ADAM23: variants seen among roughly 807,000 people sequenced by gnomAD.
The protein encoded by ADAM23 is disintegrin and metalloproteinase domain-containing protein 23.
In ADAM23, 33 loss-of-function variants were observed where a neutral mutation model predicts 120.1. That is an observed-to-expected ratio of 0.27 (90% CI 0.21 to 0.37). ADAM23 has a LOEUF of 0.37. Ranked by LOEUF, ADAM23 falls within the 10% of genes least tolerant of loss-of-function variation. The probability of loss-of-function intolerance (pLI) is 1.00; values close to 1 mark genes in which losing one functional copy is unlikely to be tolerated. For missense variants in ADAM23, 862 were observed against 1,058.2 expected (o/e 0.81, Z 2.57); for synonymous variants, 367 against 375.2 (o/e 0.98, Z 0.25).
intron 3 of ADAM23, among the ~76,000 whole-genome samples, chr2:206,498,433 A>G (rs1352280682): frequency 2.0e-5 from 3 of 152,188 alleles, no homozygotes; most frequent in African/African-American, 4.8e-5. Context: ...GGTGCTGGGA[A>G]AACTGGCTAC....
chr2:206,537,504 C>T (rs1196431903), intron 4 of ADAM23, among the ~76,000 whole-genome samples: 1 of 152,062 alleles, frequency 6.6e-6, no homozygotes, highest in Non-Finnish European at 1.5e-5. Flanking sequence ...TTCAGACACA[C>T]GGGTCTGCCT....
intron 2 of ADAM23, among the ~76,000 whole-genome samples, chr2:206,455,716 A>G (rs988417136): frequency 1.2e-4 from 19 of 152,154 alleles, no homozygotes; most frequent in African/African-American, 4.3e-4. Flanking sequence ...ACCCTAAATC[A>G]TCTCTCAATT....
intron 21 of ADAM23, 56 bp downstream of exon 21, chr2:206,589,570 A>G: frequency 3.5e-6 from 5 of 1,427,208 alleles, no homozygotes; most frequent in Non-Finnish European, 4.8e-6. Context: ...TTCTTATGCA[A>G]GTGCAAAATG....
At chr2:206,514,522 T>C (rs2105785169) in intron 3 of ADAM23, among the ~76,000 whole-genome samples, 1 of 152,352 alleles carries the variant, frequency 6.6e-6, no homozygotes, top group Admixed American at 6.5e-5. Context: ...AGTGGTTTCA[T>C]GAGATGGAAT....
chr2:206,445,065 CAAAAT>C (rs1307780446), intron 1 of ADAM23, among the ~76,000 whole-genome samples: 2 of 149,738 alleles, frequency 1.3e-5, no homozygotes, highest in Non-Finnish European at 3.0e-5. Context: ...AGACATAAAT[CAAAAT>C]AAATAGTGCA....
intron 2 of ADAM23, among the ~76,000 whole-genome samples, chr2:206,464,548 C>T (rs994186706): frequency 6.6e-6 from 1 of 151,516 alleles, no homozygotes; most frequent in African/African-American, 2.4e-5. Flanking sequence ...GCTCTCCAGC[C>T]TGGGTGACAG....
chr2:206,547,608 CAG>C (rs1697426377), intron 7 of ADAM23, 107 bp downstream of exon 7: 10 of 878,664 alleles, frequency 1.1e-5, no homozygotes, highest in Admixed American at 5.0e-5. Flanking sequence ...GGTCTGATAT[CAG>C]GGGTGAACAT....
At chr2:206,528,327 A>G (rs921426866) in intron 3 of ADAM23, among the ~76,000 whole-genome samples, 1 of 152,224 alleles carries the variant, frequency 6.6e-6, no homozygotes, top group Non-Finnish European at 1.5e-5. Context: ...GATATTCCCC[A>G]TGTATACAGA....
intron 2 of ADAM23, among the ~76,000 whole-genome samples, chr2:206,456,636 C>T (rs1695307183): frequency 6.6e-6 from 1 of 152,136 alleles, no homozygotes; most frequent in East Asian, 1.9e-4. Context: ...TATAGCTGGG[C>T]ACACTCACTT....
chr2:206,443,977 C>T lies in ADAM23; in HGVS notation c.111C>T (p.Ala37=). ...RGPAGSVPAS[A]PARTPPCRLL... Reference sequence around the variant, plus strand: ...CCGCCGGCTCGGTGCCTGCCAGCGCCCCGGCCCGCACGCCGCCCTGCCGCC... The same window carrying T: ...CCGCCGGCTCGGTGCCTGCCAGCGCTCCGGCCCGCACGCCGCCCTGCCGCC... The change falls in exon 1 of 26, where the codon GCC becomes GCT. Residue 37 remains alanine, a synonymous_variant. Coordinates refer to ENST00000264377, the MANE Select transcript of ADAM23 (RefSeq NM_003812.4). 1 of 1,371,226 alleles carries T rather than the reference C, an allele frequency of 7.3e-7. No homozygotes were observed. Among genetic ancestry groups the T allele is most frequent in the South Asian group, 1.7e-5 (1 of 59,180 alleles). 84.9% of individuals were successfully genotyped at this position (1,371,226 alleles called of 1,614,324 possible).
chr2:206,475,943 C>T (rs1489873353), intron 2 of ADAM23, among the ~76,000 whole-genome samples: 1 of 152,174 alleles, frequency 6.6e-6, no homozygotes, highest in African/African-American at 2.4e-5. Flanking sequence ...TATGGTTACA[C>T]ACACACACTC....
At chr2:206,464,524 G>A (rs1229215457) in intron 2 of ADAM23, among the ~76,000 whole-genome samples, 2 of 151,730 alleles carry the variant, frequency 1.3e-5, no homozygotes, top group African/African-American at 2.4e-5. Context: ...GCAGTGAGCC[G>A]AGAACGCACC....
chr2:206,557,553 A>C, intron 10 of ADAM23, 55 bp downstream of exon 10: 1 of 1,445,744 alleles, frequency 6.9e-7, no homozygotes, highest in East Asian at 2.3e-5. Context: ...GTTTATCTCT[A>C]TTTGCTTACT....
At chr2:206,541,919 G>A in intron 4 of ADAM23, 133 bp from the exon 5 acceptor site, 4 of 843,788 alleles carry the variant, frequency 4.7e-6, no homozygotes, top group Non-Finnish European at 7.5e-6. Context: ...ACTTTATATA[G>A]GAGGAGTTTC....
At chr2:206,522,921 A>T (rs765462853) in intron 3 of ADAM23, among the ~76,000 whole-genome samples, 14 of 152,152 alleles carry the variant, frequency 9.2e-5, no homozygotes, top group Non-Finnish European at 1.8e-4. Flanking sequence ...ACTGGTAGCC[A>T]CAACTAGAAA....
At chr2:206,577,046 A>T (rs182074335) in intron 18 of ADAM23, among the ~76,000 whole-genome samples, 1 of 152,170 alleles carries the variant, frequency 6.6e-6, no homozygotes, top group African/African-American at 2.4e-5. Context: ...TTAGAGACTG[A>T]ATCCAATGCT....
At chr2:206,487,589 G>A (rs1373565635) in intron 3 of ADAM23, among the ~76,000 whole-genome samples, 1 of 152,172 alleles carries the variant, frequency 6.6e-6, no homozygotes. Context: ...GCGTATATGT[G>A]GGTATTTAAG....
intron 7 of ADAM23, 147 bp downstream of exon 7, chr2:206,547,648 G>A (rs1184861342): frequency 5.0e-6 from 3 of 600,080 alleles, no homozygotes; most frequent in Middle Eastern, 4.6e-4. Context: ...ATGAGTGGTG[G>A]CTCTTGTGTA....
chr2:206,615,352 G>T (rs538463863), intron 25 of ADAM23, among the ~76,000 whole-genome samples: 2 of 152,330 alleles, frequency 1.3e-5, no homozygotes, highest in Non-Finnish European at 2.9e-5. Context: ...TGAGCGGAGG[G>T]TATTCAGAGG....
Sources: gnomAD v4.1 joint callset for allele counts (sites outside exome capture counted in the v4.1 genomes callset) on GRCh38, gnomAD v4.1.1 for gene constraint, MANE v1.5 for transcripts, NCBI Gene and HGNC (gene_info 2026-07-23, HGNC 2026-07-21) for gene names.